The following SWAP70 variants were observed in gnomAD, a reference collection of about 807,000 sequenced individuals.
The protein encoded by SWAP70 is switch-associated protein 70.
SWAP70 carries 34 observed loss-of-function variants against 80.2 expected under a neutral mutation model. The ratio of observed to expected loss-of-function variants is 0.42; its 90% CI spans 0.32 to 0.56. The LOEUF (loss-of-function observed/expected upper bound fraction) is 0.56. SWAP70 is among the 20% of genes least tolerant of loss of function. SWAP70 has a pLI of 0.09. For synonymous variants in SWAP70, 239 were observed against 238.5 expected, an observed-to-expected ratio of 1.00 and a Z score of -0.02; for missense variants, 578 against 690.7, an observed-to-expected ratio of 0.84 and a Z score of 1.83.
chr11:9,679,961 A>G (rs1269691235), intron 1 of SWAP70, among the ~76,000 whole-genome samples: 1 of 152,196 alleles, frequency 6.6e-6, no homozygotes, highest in Non-Finnish European at 1.5e-5. Context: ...GAGCCACTGC[A>G]CGCGGCCTGC....
intron 1 of SWAP70, among the ~76,000 whole-genome samples, chr11:9,672,195 C>CTATGTATATATATGTATA (rs530619499): frequency 1.0e-4 from 8 of 78,418 alleles, no homozygotes; most frequent in African/African-American, 3.9e-4. Flanking sequence ...ATGTGTGTGT[C>CTATGTATATATATGTATA]TATATATATA....
chr11:9,750,452 A>C lies in SWAP70; in HGVS notation c.*482A>C, dbSNP rs561708357. On this transcript the variant is annotated 3_prime_UTR_variant, in exon 12 of 12. Coordinates refer to ENST00000318950, the MANE Select transcript of SWAP70 (RefSeq NM_015055.4). The stretch of plus-strand genomic sequence containing the variant: ...GTATCCTAAGGAAGCCTTCTTATTT[A>C]TCTTCCTGCAAACAAGGGTTACCTG... The C allele has an allele frequency of 6.6e-6, 1 of 152,258 alleles. No individual in the cohort carries two copies. The highest frequency in any genetic ancestry group is 1.9e-4 in the East Asian group (1 of 5,188). The allele number at this position is 152,258 out of a possible 1,614,324, so 9.4% of individuals were successfully genotyped here.
intron 3 of SWAP70, among the ~76,000 whole-genome samples, chr11:9,718,131 C>G (rs777133782): frequency 8.5e-5 from 13 of 152,206 alleles, no homozygotes; most frequent in Non-Finnish European, 1.8e-4. Flanking sequence ...GATTCTCTTT[C>G]AAATCAAGTT....
intron 2 of SWAP70, among the ~76,000 whole-genome samples, chr11:9,709,962 A>G (rs905825910): frequency 2.0e-5 from 3 of 152,212 alleles, no homozygotes; most frequent in Admixed American, 2.0e-4. Flanking sequence ...TATTAAGAAG[A>G]TCATAAGGAA....
intron 1 of SWAP70, among the ~76,000 whole-genome samples, chr11:9,669,850 A>G (rs1259083859): frequency 6.6e-6 from 1 of 152,144 alleles, no homozygotes; most frequent in East Asian, 1.9e-4. Context: ...GTTACTTGCC[A>G]GGTGCGGTGC....
intron 3 of SWAP70, among the ~76,000 whole-genome samples, chr11:9,723,798 A>G (rs1206722212): frequency 6.8e-6 from 1 of 147,948 alleles, no homozygotes; most frequent in Non-Finnish European, 1.5e-5. Flanking sequence ...TTTTGAAACA[A>G]GAGTCTTGCT....
chr11:9,678,897 T>C (rs969703245), intron 1 of SWAP70, among the ~76,000 whole-genome samples: 1 of 152,136 alleles, frequency 6.6e-6, no homozygotes, highest in African/African-American at 2.4e-5. Context: ...AAGCCTAAGG[T>C]AGATCCTTGC....
At chr11:9,703,905 G>C (rs1408654455) in intron 2 of SWAP70, among the ~76,000 whole-genome samples, 1 of 152,178 alleles carries the variant, frequency 6.6e-6, no homozygotes, top group African/African-American at 2.4e-5. Context: ...GAAAGAGTTT[G>C]AGGTTAGAAA....
intron 10 of SWAP70, 99 bp from the exon 11 acceptor site, chr11:9,748,988 T>G: frequency 1.7e-6 from 1 of 586,334 alleles, no homozygotes. Flanking sequence ...GAGGATTTAA[T>G]GAGATAATTC....
At chr11:9,670,471 G>T (rs1205707105) in intron 1 of SWAP70, among the ~76,000 whole-genome samples, 2 of 151,934 alleles carry the variant, frequency 1.3e-5, no homozygotes, top group Non-Finnish European at 2.9e-5. Context: ...TTTTTTTGAG[G>T]TCCTTGATGG....
intron 1 of SWAP70, among the ~76,000 whole-genome samples, chr11:9,675,136 AAGTT>A (rs1308020970): frequency 6.6e-6 from 1 of 152,044 alleles, no homozygotes; most frequent in Non-Finnish European, 1.5e-5. Context: ...GAAATTTAAA[AAGTT>A]AGAGAGGTAT....
At chr11:9,728,265 C>T (rs1851252517) in intron 5 of SWAP70, 66 bp downstream of exon 5, 1 of 1,397,230 alleles carries the variant, frequency 7.2e-7, no homozygotes, top group Non-Finnish European at 9.5e-7. Context: ...AGTAGCTTCT[C>T]ACCTTCTTCC....
intron 1 of SWAP70, among the ~76,000 whole-genome samples, chr11:9,685,938 C>A (rs1018975463): frequency 6.6e-6 from 1 of 152,108 alleles, no homozygotes; most frequent in African/African-American, 2.4e-5. Flanking sequence ...CCCGGCGAGG[C>A]CTCACCTCTT....
Position 9,732,544 on chromosome 11 carries a change from T to C in SWAP70, c.914T>C (p.Ile305Thr), listed in dbSNP as rs1479446384. ...QEWIQAIHST[I>T]HLLKLGSPPP... ...CCTTTTACAGCCATTCATTCTACTA[T>C]TCATCTGTTGAAGCTGGGCAGCCCT... The change falls in exon 7 of 12, where the codon ATT becomes ACT. Residue 305 changes from isoleucine (I) to threonine (T), a missense_variant. Coordinates refer to ENST00000318950, the MANE Select transcript of SWAP70 (RefSeq NM_015055.4). 1 of 1,606,392 alleles carries C rather than the reference T, an allele frequency of 6.2e-7. No individual in the cohort carries two copies. Among genetic ancestry groups the C allele is most frequent in the African/African-American group, 1.3e-5 (1 of 74,646 alleles).
At chr11:9,712,875 T>G (rs554157750) in intron 2 of SWAP70, among the ~76,000 whole-genome samples, 98 of 150,996 alleles carry the variant, frequency 6.5e-4, no homozygotes, top group African/African-American at 2.2e-3. Context: ...TTTTGTATTT[T>G]TACTAGAGAT....
chr11:9,738,062 T>G (rs761625688), intron 7 of SWAP70, 151 bp from the exon 8 acceptor site: 12 of 461,820 alleles, frequency 2.6e-5, no homozygotes, highest in East Asian at 2.4e-4. Context: ...AGACTGGAAT[T>G]CTAATGGAGC....
chr11:9,734,981 C>T (rs1251323605), intron 7 of SWAP70, among the ~76,000 whole-genome samples: 1 of 152,106 alleles, frequency 6.6e-6, no homozygotes, highest in African/African-American at 2.4e-5. Flanking sequence ...TAAAATTTGA[C>T]AGGCCTCATT....
At chr11:9,688,187 A>T (rs1214381080) in intron 1 of SWAP70, among the ~76,000 whole-genome samples, 1 of 152,260 alleles carries the variant, frequency 6.6e-6, no homozygotes. Context: ...TTTAGAAAGA[A>T]TTCACTTAGC....
chr11:9,684,056 C>T (rs1027016810), intron 1 of SWAP70, among the ~76,000 whole-genome samples: 5 of 151,458 alleles, frequency 3.3e-5, no homozygotes, highest in African/African-American at 1.2e-4. Context: ...ATTTTAATGA[C>T]TTCAGATTTG....
Sources: allele counts gnomAD v4.1 joint callset (sites outside exome capture counted in the v4.1 genomes callset), GRCh38; gene constraint gnomAD v4.1.1; transcripts MANE v1.5; gene names NCBI Gene and HGNC (gene_info 2026-07-23, HGNC 2026-07-21).